The following TRPC4AP variants were observed in gnomAD, a reference collection of about 807,000 sequenced individuals.
TRPC4AP encodes transient receptor potential cation channel subfamily C member 4 associated protein.
Under a neutral mutation model 99.0 loss-of-function variants are expected in TRPC4AP, and 45 were observed. That is an observed-to-expected ratio of 0.45 (90% CI 0.36 to 0.58). The LOEUF is 0.58. Among genes scored for constraint, TRPC4AP ranks in the 20% least tolerant of loss-of-function variants. TRPC4AP has a pLI of 0.00. For missense variants in TRPC4AP, 879 were observed against 985.3 expected (o/e 0.89, Z 1.44); for synonymous variants, 408 against 385.8 (o/e 1.06, Z -0.67).
intron 1 of TRPC4AP, among the ~76,000 whole-genome samples, chr20:35,079,567 CAA>C (rs1241856543): frequency 6.6e-6 from 1 of 151,652 alleles, no homozygotes. Flanking sequence ...AACAAAAAAT[CAA>C]GAGAGAAAAC....
At chr20:35,057,138 T>C (rs372333788) in intron 4 of TRPC4AP, among the ~76,000 whole-genome samples, 5 of 152,050 alleles carry the variant, frequency 3.3e-5, no homozygotes, top group African/African-American at 9.7e-5. Context: ...ACCCTGGTAA[T>C]GCCTGAACTT....
intron 2 of TRPC4AP, among the ~76,000 whole-genome samples, chr20:35,072,864 T>C (rs2084357377): frequency 6.6e-6 from 1 of 152,236 alleles, no homozygotes; most frequent in Non-Finnish European, 1.5e-5. Flanking sequence ...ATCTATCAAT[T>C]ACCTCGGGCA....
intron 9 of TRPC4AP, among the ~76,000 whole-genome samples, chr20:35,018,510 C>T (rs1274463110): frequency 6.8e-6 from 1 of 146,464 alleles, no homozygotes; most frequent in Non-Finnish European, 1.5e-5. Context: ...GCAAGAGGAT[C>T]GCTTGAGCTG....
At chr20:35,063,922 G>A (rs2145559) in intron 3 of TRPC4AP, among the ~76,000 whole-genome samples, 55,914 of 151,978 alleles carry the variant, frequency 0.37, 12,206 homozygotes, top group East Asian at 0.58. Flanking sequence ...CAAATTCTAG[G>A]TTAATATAAA....
chr20:35,063,317 T>C (rs1434369626), intron 3 of TRPC4AP, among the ~76,000 whole-genome samples: 1 of 152,192 alleles, frequency 6.6e-6, no homozygotes, highest in East Asian at 1.9e-4. Context: ...CAGGTATTTC[T>C]TCATTGCAGC....
chr20:35,075,188 G>A (rs1221854864), intron 2 of TRPC4AP, among the ~76,000 whole-genome samples: 1 of 151,936 alleles, frequency 6.6e-6, no homozygotes, highest in African/African-American at 2.4e-5. Flanking sequence ...AATACAGCAC[G>A]CTGATGGGTC....
chr20:35,063,022 G>T (rs1217913849), intron 3 of TRPC4AP, among the ~76,000 whole-genome samples: 1 of 152,210 alleles, frequency 6.6e-6, no homozygotes, highest in Non-Finnish European at 1.5e-5. Context: ...ACCTTCAATT[G>T]TAATAATCCT....
intron 9 of TRPC4AP, among the ~76,000 whole-genome samples, chr20:35,017,817 A>G (rs2082789397): frequency 6.6e-6 from 1 of 152,202 alleles, no homozygotes; most frequent in African/African-American, 2.4e-5. Context: ...ACTGAAAGTA[A>G]TAGAGGTGAC....
intron 1 of TRPC4AP, among the ~76,000 whole-genome samples, chr20:35,088,449 AAT>A (rs922201157): frequency 3.3e-5 from 5 of 152,224 alleles, no homozygotes; most frequent in Non-Finnish European, 7.3e-5. Context: ...CTGAATATCA[AAT>A]GGCTGGCAAG....
intron 1 of TRPC4AP, among the ~76,000 whole-genome samples, chr20:35,086,506 T>C (rs2084868631): frequency 2.0e-5 from 1 of 51,062 alleles, no homozygotes; most frequent in Non-Finnish European, 4.9e-5. Context: ...TGTGTATATA[T>C]ATGTGTGTGT....
At chr20:35,090,377 C>CTTTTTT (rs71196792) in intron 1 of TRPC4AP, among the ~76,000 whole-genome samples, 16,830 of 88,456 alleles carry the variant, frequency 0.19, 3,182 homozygotes, top group African/African-American at 0.3. Context: ...ATCTGGTGAG[C>CTTTTTT]TTTTTTTTTT....
intron 9 of TRPC4AP, among the ~76,000 whole-genome samples, chr20:35,019,731 T>G (rs1038153335): frequency 6.6e-6 from 1 of 152,194 alleles, no homozygotes; most frequent in Non-Finnish European, 1.5e-5. Context: ...CTATTATTTT[T>G]TATTAAAAAC....
intron 8 of TRPC4AP, among the ~76,000 whole-genome samples, chr20:35,028,075 A>C (rs949274853): frequency 6.6e-6 from 1 of 152,186 alleles, no homozygotes; most frequent in Non-Finnish European, 1.5e-5. Flanking sequence ...CCAATGACTT[A>C]AGGTAGACGT....
At chr20:35,062,638 T>C (rs1411245549) in intron 3 of TRPC4AP, among the ~76,000 whole-genome samples, 5 of 152,150 alleles carry the variant, frequency 3.3e-5, no homozygotes. Context: ...ATTAAATCTA[T>C]AAAGACAGAA....
In TRPC4AP at chr20:35,003,230, G is replaced by C. The variant is rs746921798; in HGVS notation, c.2310C>G (p.Asn770Lys). Residue 770 changes from asparagine (N) to lysine (K), a missense_variant, in exon 19 of 19, where the codon AAC becomes AAG. Asn to Lys is a moderately conservative substitution (Grantham distance 94, BLOSUM62 0). Transcript: ENST00000252015. ...YWKETVSILLNPDRQSPSALV... is the reference protein window; with the variant it reads ...YWKETVSILLKPDRQSPSALV... ...GAGCAGAGGGTGACTGCCGGTCCGGGTTCAACAGGATGGACACTGTCTCCT... is the reference window on the plus strand; with the variant it reads ...GAGCAGAGGGTGACTGCCGGTCCGGCTTCAACAGGATGGACACTGTCTCCT... 3 of 1,614,218 alleles carry C rather than the reference G, an allele frequency of 1.9e-6. No homozygotes were observed. Among genetic ancestry groups the C allele is most frequent in the Non-Finnish European group, 2.5e-6 (3 of 1,180,034 alleles).
chr20:35,022,465 A>T (rs1311816917), intron 8 of TRPC4AP, among the ~76,000 whole-genome samples: 2 of 152,122 alleles, frequency 1.3e-5, no homozygotes, highest in Non-Finnish European at 2.9e-5. Context: ...GTAGATCCCT[A>T]CTATTTTAAG....
chr20:35,016,233 G>T, intron 9 of TRPC4AP, 94 bp from the exon 10 acceptor site: 1 of 1,478,656 alleles, frequency 6.8e-7, no homozygotes, highest in Non-Finnish European at 9.4e-7. Context: ...TGATATTCAG[G>T]ACAAGTATCA....
chr20:35,076,961 T>C (rs1376105695), intron 2 of TRPC4AP, among the ~76,000 whole-genome samples: 9 of 152,132 alleles, frequency 5.9e-5, no homozygotes, highest in African/African-American at 1.9e-4. Context: ...GTCTCAGCAG[T>C]TGTGGACACC....
intron 4 of TRPC4AP, among the ~76,000 whole-genome samples, chr20:35,056,892 A>G (rs1356911604): frequency 6.7e-6 from 1 of 148,194 alleles, no homozygotes; most frequent in Admixed American, 7.1e-5. Context: ...AGGGTGAGGC[A>G]GGAAAATCAC....
Sources: gnomAD v4.1 joint callset for allele counts (sites outside exome capture counted in the v4.1 genomes callset) on GRCh38, gnomAD v4.1.1 for gene constraint, MANE v1.5 for transcripts, NCBI Gene and HGNC (gene_info 2026-07-23, HGNC 2026-07-21) for gene names.